The following OR10H5 variants were observed in gnomAD, a reference collection of about 807,000 sequenced individuals.
OR10H5 encodes the protein olfactory receptor 10H5.
OR10H5 carries 7 observed loss-of-function variants against 12.2 expected under a neutral mutation model. That is an observed-to-expected ratio of 0.57 (90% CI 0.33 to 1.07). The LOEUF (loss-of-function observed/expected upper bound fraction) is 1.07. Ranked by LOEUF, OR10H5 falls within the 50% of genes least tolerant of loss-of-function variation. OR10H5 has a pLI of 0.04. For synonymous variants in OR10H5, 159 were observed against 175.1 expected, an observed-to-expected ratio of 0.91 and a Z score of 0.73; for missense variants, 346 against 411.6, an observed-to-expected ratio of 0.84 and a Z score of 1.38.
rs61738869 is a variant in OR10H5, at chr19:15,794,658, T to G, written c.610T>G (p.Cys204Gly). Residue 204 changes from cysteine (C) to glycine (G), a missense_variant, in exon 2 of 2, where the codon TGT (cysteine) becomes GGT (glycine). Coordinates refer to ENST00000642092, the MANE Select transcript of OR10H5 (RefSeq NM_001004466.2). ...LVVAKGVGLV[C>G]ITALLGCFLL... ...GGTGGCCAAAGGCGTGGGCTTGGTG[T>G]GTATCACGGCCCTGCTGGGCTGTTT... 0.094 allele frequency: 151,476 copies of G among 1,608,558 alleles called. 7,624 individuals carry two copies. The highest frequency in any genetic ancestry group is 0.15 in the Middle Eastern group (896 of 6,048).
chr19:15,795,543 C>T lies in OR10H5; in HGVS notation c.*547C>T, dbSNP rs2144930575. On this transcript the variant is annotated 3_prime_UTR_variant, in exon 2 of 2. Transcript: ENST00000642092. ...GTTTCACCATGTTGGCCAGGCTGGTCTCGAACTCCTGACCTCAGGCATTAT... is the reference window on the plus strand; with the variant it reads ...GTTTCACCATGTTGGCCAGGCTGGTTTCGAACTCCTGACCTCAGGCATTAT... The T allele has an allele frequency of 6.4e-6, 1 of 155,708 alleles. No individual in the cohort carries two copies. Among genetic ancestry groups the T allele is most frequent in the Non-Finnish European group, 1.4e-5 (1 of 70,426 alleles). The allele number at this position is 155,708 out of a possible 1,614,324, so 9.6% of individuals were successfully genotyped here.
chr19:15,798,044 TAA>T lies in OR10H5; in HGVS notation c.*3071_*3072del, dbSNP rs61593330. 195 of 65,756 alleles carry T rather than the reference TAA, an allele frequency of 3.0e-3. No individual in the cohort carries two copies. Among genetic ancestry groups the T allele is most frequent in the East Asian group, 0.017 (28 of 1,658 alleles). The allele number at this position is 65,756 out of a possible 1,614,324, so 4.1% of individuals were successfully genotyped here. On this transcript the variant is annotated 3_prime_UTR_variant, in exon 2 of 2. Coordinates refer to ENST00000642092, the MANE Select transcript of OR10H5 (RefSeq NM_001004466.2). Reference sequence around the variant, plus strand: ...TGGGCGACAAGAGTGACACTCCATCTAAAAAAAAAAAAAAAAAAAAAAAAGCA... The same window carrying T: ...TGGGCGACAAGAGTGACACTCCATCTAAAAAAAAAAAAAAAAAAAAAAGCA...
At chr19:15,788,064 C>T (rs899040140) in intron 1 of OR10H5, among the ~76,000 whole-genome samples, 22 of 152,008 alleles carry the variant, frequency 1.4e-4, no homozygotes, top group Non-Finnish European at 2.9e-4. Flanking sequence ...CTGAGCCAAG[C>T]GGGTGACATT....
At chr19:15,793,916 C>G in intron 1 of OR10H5, 122 bp from the exon 2 acceptor site, 1 of 821,640 alleles carries the variant, frequency 1.2e-6, no homozygotes, top group Non-Finnish European at 1.9e-6. Flanking sequence ...TATTTTTGCA[C>G]ATGGAGTAAC....
At chr19:15,792,693 T>C (rs2088814685) in intron 1 of OR10H5, among the ~76,000 whole-genome samples, 1 of 152,150 alleles carries the variant, frequency 6.6e-6, no homozygotes, top group Non-Finnish European at 1.5e-5. Context: ...TTTGAACTCC[T>C]GACCTCAAGT....
In OR10H5 at chr19:15,798,104, T is replaced by C. The variant is rs2088850165; in HGVS notation, c.*3108T>C. On this transcript the variant is annotated 3_prime_UTR_variant, in exon 2 of 2. Transcript: ENST00000642092. ...AATTTATCTTGATTGCTGAATTTTT[T>C]GATGGCCCCTTACATTGGGTGCTCA... 1 of 151,390 alleles carries C rather than the reference T, an allele frequency of 6.6e-6. No homozygotes were observed. The highest frequency in any genetic ancestry group is 6.6e-5 in the Admixed American group (1 of 15,198). The allele number at this position is 151,390 out of a possible 1,614,324, so 9.4% of individuals were successfully genotyped here.
rs2088857233 is a variant in OR10H5, at chr19:15,799,569, C to T, written c.*4573C>T. ...CTGTGTTTTCTCTGTGTTAGTATCT[C>T]ACACACAATTCCACTCCAAATACAT... On this transcript the variant is annotated 3_prime_UTR_variant, in exon 2 of 2. Coordinates refer to ENST00000642092, the MANE Select transcript of OR10H5 (RefSeq NM_001004466.2). 6.6e-6 allele frequency: 1 copy of T among 152,132 alleles called. No homozygotes were observed. The highest frequency in any genetic ancestry group is 6.5e-5 in the Admixed American group (1 of 15,270). The allele number at this position is 152,132 out of a possible 1,614,324, so 9.4% of individuals were successfully genotyped here.
Position 15,794,628 on chromosome 19 carries a change from C to CT in OR10H5, c.581dup (p.Val195GlyfsTer39). The CT allele has an allele frequency of 6.2e-7, 1 of 1,614,170 alleles. No homozygotes were observed. Among genetic ancestry groups the CT allele is most frequent in the Non-Finnish European group, 8.5e-7 (1 of 1,180,032 alleles). ...GAAGTTGGCCTGTGGAGATGATGTGCTGGTGGTGGCCAAAGGCGTGGGCTT... is the reference window on the plus strand; with the variant it reads ...GAAGTTGGCCTGTGGAGATGATGTGCTTGGTGGTGGCCAAAGGCGTGGGCTT... On this transcript the variant is annotated frameshift_variant, in exon 2 of 2. Coordinates refer to ENST00000642092, the MANE Select transcript of OR10H5 (RefSeq NM_001004466.2). LOFTEE classifies it high-confidence loss of function.
chr19:15,797,462 G>A lies in OR10H5; in HGVS notation c.*2466G>A, dbSNP rs1367123780. On this transcript the variant is annotated 3_prime_UTR_variant, in exon 2 of 2. Transcript: ENST00000642092. ...ATGTGTCATTGTGGTTCCCCGTGGT[G>A]ATCAGAAAAGCGAGCCAGCTTGCTG... 1 of 152,158 alleles carries A rather than the reference G, an allele frequency of 6.6e-6. No homozygotes were observed. Among genetic ancestry groups the A allele is most frequent in the African/African-American group, 2.4e-5 (1 of 41,432 alleles). 9.4% of individuals were successfully genotyped at this position (152,158 alleles called of 1,614,324 possible).
At chr19:15,791,441 TACACAC>T (rs35542150) in intron 1 of OR10H5, among the ~76,000 whole-genome samples, 3,726 of 147,506 alleles carry the variant, frequency 0.025, 53 homozygotes, top group South Asian at 0.052. Context: ...ATAGATACCA[TACACAC>T]ACACACACAC....
At position 15,799,208 on chromosome 19, in the gene OR10H5, GCCCAATGGGCTC is replaced by G. The variant is rs2088855486; in HGVS notation, c.*4215_*4226del. ...CCCAAATTCATTCTTTGACCCTATA[GCCCAATGGGCTC>G]CCTGCTGTCCCGGCAGTAAACCAAG... On this transcript the variant is annotated 3_prime_UTR_variant, in exon 2 of 2. Transcript: ENST00000642092. 1 of 152,124 alleles carries G rather than the reference GCCCAATGGGCTC, an allele frequency of 6.6e-6. No homozygotes were observed. Among genetic ancestry groups the G allele is most frequent in the African/African-American group, 2.4e-5 (1 of 41,402 alleles). 9.4% of individuals were successfully genotyped at this position (152,124 alleles called of 1,614,324 possible). A position where few individuals can be genotyped will look rare whatever the true frequency, so the allele number is the denominator to read the frequency against.
chr19:15,795,105 TCCTTCTTTCCTTCCTC>T lies in OR10H5; in HGVS notation c.*113_*128del, dbSNP rs2088833313. Reference sequence around the variant, plus strand: ...TCCTTTCCTCCCTCCCTCCCTTCCTTCCTTCTTTCCTTCCTCCCTCCCTCCTTTCCTCCCTCCTTCT... The same window carrying T: ...TCCTTTCCTCCCTCCCTCCCTTCCTTCCTCCCTCCTTTCCTCCCTCCTTCT... On this transcript the variant is annotated 3_prime_UTR_variant, in exon 2 of 2. Transcript: ENST00000642092. 1 of 897,502 alleles carries T rather than the reference TCCTTCTTTCCTTCCTC, an allele frequency of 1.1e-6. No homozygotes were observed. Among genetic ancestry groups the T allele is most frequent in the Non-Finnish European group, 1.6e-6 (1 of 613,416 alleles). The allele number at this position is 897,502 out of a possible 1,614,324, so 55.6% of individuals were successfully genotyped here. A position where few individuals can be genotyped will look rare whatever the true frequency, so the allele number is the denominator to read the frequency against.
chr19:15,798,218 T>C lies in OR10H5; in HGVS notation c.*3222T>C, dbSNP rs1310584183. ...TAAAAAATAGAAGCCATCATTAATT[T>C]AAAATAGGATTAAGTGCCAAAAGTT... On this transcript the variant is annotated 3_prime_UTR_variant, in exon 2 of 2. Coordinates refer to ENST00000642092, the MANE Select transcript of OR10H5 (RefSeq NM_001004466.2). The C allele has an allele frequency of 6.6e-6, 1 of 152,084 alleles. No individual in the cohort carries two copies. The highest frequency in any genetic ancestry group is 1.5e-5 in the Non-Finnish European group (1 of 68,032). 9.4% of individuals were successfully genotyped at this position (152,084 alleles called of 1,614,324 possible). A position where few individuals can be genotyped will look rare whatever the true frequency, so the allele number is the denominator to read the frequency against.
Position 15,794,555 on chromosome 19 carries a change from T to C in OR10H5, c.507T>C (p.Cys169=), listed in dbSNP as rs2088828520. The part of the protein sequence containing the change: ...VTSAIFHLAF[C]GHKEIHHFFC... Reference sequence around the variant, plus strand: ...CGGCCATTTTCCACCTCGCCTTCTGTGGACACAAGGAGATCCACCATTTCT... The same window carrying C: ...CGGCCATTTTCCACCTCGCCTTCTGCGGACACAAGGAGATCCACCATTTCT... The change falls in exon 2 of 2, where the codon TGT becomes TGC. Residue 169 remains cysteine (C), a synonymous_variant. Transcript: ENST00000642092. 6.2e-7 allele frequency: 1 copy of C among 1,614,242 alleles called. No individual in the cohort carries two copies. Among genetic ancestry groups the C allele is most frequent in the Non-Finnish European group, 8.5e-7 (1 of 1,180,046 alleles).
rs535349153 is a variant in OR10H5 at position 15,800,056 on chromosome 19, A to C, written c.*5060A>C. 1 of 152,086 alleles carries C rather than the reference A, an allele frequency of 6.6e-6. No homozygotes were observed. Among genetic ancestry groups the C allele is most frequent in the South Asian group, 2.1e-4 (1 of 4,806 alleles). The allele number at this position is 152,086 out of a possible 1,614,324, so 9.4% of individuals were successfully genotyped here. Reference sequence around the variant, plus strand: ...TAATACCCTTCCCCCACCTGCTCGCACACTCCCTTCGGTCTTCCTGAGGGT... The same window carrying C: ...TAATACCCTTCCCCCACCTGCTCGCCCACTCCCTTCGGTCTTCCTGAGGGT... On this transcript the variant is annotated 3_prime_UTR_variant, in exon 2 of 2. Transcript: ENST00000642092.
intron 1 of OR10H5, among the ~76,000 whole-genome samples, chr19:15,793,353 T>C (rs974042699): frequency 1.6e-4 from 24 of 152,256 alleles, no homozygotes; most frequent in African/African-American, 5.8e-4. Context: ...GCTCCTGGGC[T>C]CAAGTGATCC....
In OR10H5 at chr19:15,793,934, T is replaced by C. The variant is rs557191585; in HGVS notation, c.-11-104T>C. On this transcript the variant is annotated intron_variant, in intron 1 of 1. Coordinates refer to ENST00000642092, the MANE Select transcript of OR10H5 (RefSeq NM_001004466.2). ...TTTTGCACATGGAGTAACCATGGCT[T>C]GGACAGATGAAGAAGGCGCTCTCAG... is the stretch of plus-strand genomic sequence containing the variant. 10 of 958,794 alleles carry C rather than the reference T, an allele frequency of 1.0e-5. No homozygotes were observed. The African/African-American group carries it at 1.6e-4, about 16-fold the overall frequency. The allele number at this position is 958,794 out of a possible 1,614,324, so 59.4% of individuals were successfully genotyped here.
At chr19:15,790,945 A>C (rs909798632) in intron 1 of OR10H5, among the ~76,000 whole-genome samples, 1 of 152,198 alleles carries the variant, frequency 6.6e-6, no homozygotes, top group Non-Finnish European at 1.5e-5. Flanking sequence ...ACGTGCTATC[A>C]CAACAGTAGC....
At chr19:15,790,118 T>C (rs2088802948) in intron 1 of OR10H5, among the ~76,000 whole-genome samples, 1 of 152,050 alleles carries the variant, frequency 6.6e-6, no homozygotes, top group Non-Finnish European at 1.5e-5. Context: ...CATTTGTGCA[T>C]TTAGGAGCAG....
Sources: allele counts gnomAD v4.1 joint callset (sites outside exome capture counted in the v4.1 genomes callset), GRCh38; gene constraint gnomAD v4.1.1; transcripts MANE v1.5; gene names NCBI Gene and HGNC (gene_info 2026-07-23, HGNC 2026-07-21).